ERBB4: variants seen among roughly 807,000 people sequenced by gnomAD.
ERBB4 encodes erb-b2 receptor tyrosine kinase 4.
Under a neutral mutation model 158.0 loss-of-function variants are expected in ERBB4, and 42 were observed. The observed-to-expected ratio is 0.27, with a 90% CI of 0.21 to 0.34. The LOEUF (loss-of-function observed/expected upper bound fraction) is 0.34. Ranked by LOEUF, ERBB4 falls within the 10% of genes least tolerant of loss-of-function variation. The pLI is 1.00. For missense variants in ERBB4, 1,333 were observed against 1,624.1 expected (o/e 0.82, Z 3.08); for synonymous variants, 583 against 558.7 (o/e 1.04, Z -0.61).
chr2:211,806,594 A>C (rs1007884623), intron 3 of ERBB4, among the ~76,000 whole-genome samples: 1 of 152,202 alleles, frequency 6.6e-6, no homozygotes, highest in Admixed American at 6.5e-5. Context: ...ACAGAAATGT[A>C]CAGAAAATAA....
intron 20 of ERBB4, among the ~76,000 whole-genome samples, chr2:211,465,877 C>T (rs1238633926): frequency 6.6e-6 from 1 of 152,026 alleles, no homozygotes; most frequent in African/African-American, 2.4e-5. Flanking sequence ...CCAGATTTAC[C>T]AGTGGGGATT....
intron 19 of ERBB4, among the ~76,000 whole-genome samples, chr2:211,582,867 C>T (rs1177350346): frequency 6.6e-6 from 1 of 151,974 alleles, no homozygotes; most frequent in Non-Finnish European, 1.5e-5. Context: ...TCTTCCAAAC[C>T]AATTTCAGTG....
At chr2:211,824,935 C>G (rs556302611) in intron 3 of ERBB4, among the ~76,000 whole-genome samples, 1 of 151,854 alleles carries the variant, frequency 6.6e-6, no homozygotes, top group Non-Finnish European at 1.5e-5. Flanking sequence ...GTTAATATCT[C>G]TACATTCTAC....
intron 3 of ERBB4, among the ~76,000 whole-genome samples, chr2:211,832,621 C>T (rs951760827): frequency 6.7e-6 from 1 of 148,392 alleles, no homozygotes; most frequent in Non-Finnish European, 1.5e-5. Flanking sequence ...TATATATATA[C>T]ATATATATAC....
chr2:211,546,388 T>C (rs1178859025), intron 20 of ERBB4, among the ~76,000 whole-genome samples: 1 of 152,138 alleles, frequency 6.6e-6, no homozygotes, highest in Non-Finnish European at 1.5e-5. Flanking sequence ...TTTTATCACA[T>C]GATACTAATA....
intron 3 of ERBB4, among the ~76,000 whole-genome samples, chr2:211,918,616 C>T (rs577552321): frequency 1.3e-5 from 2 of 152,166 alleles, no homozygotes; most frequent in Non-Finnish European, 2.9e-5. Flanking sequence ...TCTCCATATA[C>T]TTCCTATGTA....
chr2:211,642,228 G>A (rs1010530071), intron 16 of ERBB4, among the ~76,000 whole-genome samples: 1 of 151,766 alleles, frequency 6.6e-6, no homozygotes, highest in Admixed American at 6.6e-5. Flanking sequence ...TCACTAAATC[G>A]GTTCTTATCA....
chr2:212,280,664 G>T (rs2085723472), intron 1 of ERBB4, among the ~76,000 whole-genome samples: 1 of 151,628 alleles, frequency 6.6e-6, no homozygotes, highest in Non-Finnish European at 1.5e-5. Context: ...GAGTATTACA[G>T]TTAGATAACT....
At chr2:211,821,121 G>C (rs1026105872) in intron 3 of ERBB4, among the ~76,000 whole-genome samples, 2 of 151,844 alleles carry the variant, frequency 1.3e-5, no homozygotes, top group Admixed American at 1.3e-4. Flanking sequence ...CCTGTTTGTA[G>C]ATGACACAAT....
intron 1 of ERBB4, among the ~76,000 whole-genome samples, chr2:212,138,094 C>T (rs2080332165): frequency 6.6e-6 from 1 of 152,042 alleles, no homozygotes; most frequent in Non-Finnish European, 1.5e-5. Flanking sequence ...TAATAGTATA[C>T]AAATTTAGTT....
intron 3 of ERBB4, among the ~76,000 whole-genome samples, chr2:211,838,608 C>T (rs1278303773): frequency 6.6e-6 from 1 of 152,054 alleles, no homozygotes; most frequent in East Asian, 1.9e-4. Context: ...CAGTTTCAGG[C>T]ATTTTCTGCT....
chr2:212,243,907 G>C (rs950917375), intron 1 of ERBB4, among the ~76,000 whole-genome samples: 1 of 152,106 alleles, frequency 6.6e-6, no homozygotes, highest in Non-Finnish European at 1.5e-5. Context: ...GTTCCTTCAA[G>C]TAGCTTATCA....
At chr2:212,470,718 G>A (rs924288660) in intron 1 of ERBB4, among the ~76,000 whole-genome samples, 1 of 152,000 alleles carries the variant, frequency 6.6e-6, no homozygotes, top group Admixed American at 6.6e-5. Context: ...GTCTTTGCCC[G>A]TTATTAGCTG....
chr2:211,808,937 T>C (rs1229392048), intron 3 of ERBB4, among the ~76,000 whole-genome samples: 1 of 152,198 alleles, frequency 6.6e-6, no homozygotes, highest in Non-Finnish European at 1.5e-5. Context: ...TTGTCTGTTA[T>C]TGGTGTACAG....
At chr2:211,644,734 A>C (rs1553602463) in intron 16 of ERBB4, among the ~76,000 whole-genome samples, 1 of 151,956 alleles carries the variant, frequency 6.6e-6, no homozygotes, top group Non-Finnish European at 1.5e-5. Context: ...ATCTTTTAAA[A>C]TCTCTTTGTT....
chr2:211,445,623 A>G (rs890979760), intron 20 of ERBB4, among the ~76,000 whole-genome samples: 1 of 152,174 alleles, frequency 6.6e-6, no homozygotes, highest in East Asian at 1.9e-4. Flanking sequence ...AAAAGATAAC[A>G]GAAGGGGGAC....
At chr2:211,416,813 C>CTT (rs60021795) in intron 25 of ERBB4, among the ~76,000 whole-genome samples, 145 of 142,132 alleles carry the variant, frequency 1.0e-3, no homozygotes, top group Middle Eastern at 7.4e-3. Context: ...GAAGCCTTCC[C>CTT]TTTTTTTTTT....
intron 1 of ERBB4, among the ~76,000 whole-genome samples, chr2:212,494,660 G>T (rs1017474859): frequency 6.6e-6 from 1 of 152,012 alleles, no homozygotes; most frequent in East Asian, 1.9e-4. Flanking sequence ...TAATGTACAA[G>T]AATTAAGTTC....
chr2:212,509,343 T>C (rs1275748629), intron 1 of ERBB4, among the ~76,000 whole-genome samples: 1 of 152,064 alleles, frequency 6.6e-6, no homozygotes, highest in Non-Finnish European at 1.5e-5. Flanking sequence ...TATGTGTTTT[T>C]CATAAGATTG....
Sources: gnomAD v4.1 joint callset for allele counts (sites outside exome capture counted in the v4.1 genomes callset) on GRCh38, gnomAD v4.1.1 for gene constraint, MANE v1.5 for transcripts, NCBI Gene and HGNC (gene_info 2026-07-23, HGNC 2026-07-21) for gene names.